The following SBNO1 variants were observed in gnomAD, a reference collection of about 807,000 sequenced individuals.
SBNO1 encodes strawberry notch homolog 1.
Under a neutral mutation model 173.6 loss-of-function variants are expected in SBNO1, and 23 were observed. The observed-to-expected ratio is 0.13, with a 90% CI of 0.10 to 0.19. The LOEUF is 0.19. Among genes scored for constraint, SBNO1 ranks in the 10% least tolerant of loss-of-function variants. The pLI, the probability that SBNO1 is intolerant of heterozygous loss-of-function variation, is 1.00. For missense variants in SBNO1, 1,238 were observed against 1,671.2 expected, an observed-to-expected ratio of 0.74 and a Z score of 4.52; for synonymous variants, 632 against 571.5, an observed-to-expected ratio of 1.11 and a Z score of -1.51.
intron 4 of SBNO1, among the ~76,000 whole-genome samples, chr12:123,341,526 T>A (rs1199911566): frequency 6.6e-6 from 1 of 152,146 alleles, no homozygotes; most frequent in Admixed American, 6.5e-5. Flanking sequence ...ACTAATTTAT[T>A]TTTATTTATT....
chr12:123,356,533 C>G (rs1034063403), intron 1 of SBNO1, among the ~76,000 whole-genome samples: 1 of 152,226 alleles, frequency 6.6e-6, no homozygotes, highest in Non-Finnish European at 1.5e-5. Flanking sequence ...ATCCGCCCCC[C>G]TGGGTTCAAG....
rs1869396435 is a variant in SBNO1, at chr12:123,317,280, C to T, written c.2876G>A (p.Arg959Gln). 4 of 1,613,968 alleles carry T rather than the reference C, an allele frequency of 2.5e-6. No homozygotes were observed. Among genetic ancestry groups the T allele is most frequent in the Non-Finnish European group, 2.5e-6 (3 of 1,179,948 alleles). The change falls in exon 21 of 32, where the codon CGA (arginine) becomes CAA (glutamine). Residue 959 changes from arginine (R) to glutamine (Q), a missense_variant. Around this residue, in one of 14 missense-constraint regions of SBNO1, gnomAD observed 39 missense variants for 129.7 expected, o/e 0.30. Coordinates refer to ENST00000602398, the MANE Select transcript of SBNO1 (RefSeq NM_001167856.3). ...QADRRAKNQR[R>Q]RVHMTLELPW... ...TAATTCTAAAGTCATATGAACTCTT[C>T]GCCTTTGATTTTTAGCTCTCCTATC...
At chr12:123,334,251 CTAAG>C (rs1871563420) in intron 6 of SBNO1, 38 bp from the exon 7 acceptor site, 4 of 1,193,844 alleles carry the variant, frequency 3.4e-6, no homozygotes, top group Non-Finnish European at 4.7e-6. Flanking sequence ...TTTAATTATT[CTAAG>C]TAATAACATT....
intron 4 of SBNO1, among the ~76,000 whole-genome samples, chr12:123,341,818 G>A (rs995823924): frequency 1.3e-5 from 2 of 151,486 alleles, no homozygotes; most frequent in African/African-American, 4.8e-5. Context: ...GTGAGCCACC[G>A]CACCTGGCCT....
chr12:123,325,470 A>AAACAAAAACATTAAAAG (rs1277350707), intron 15 of SBNO1, 32 bp downstream of exon 15: 1 of 1,501,098 alleles, frequency 6.7e-7, no homozygotes, highest in Non-Finnish European at 9.3e-7. Flanking sequence ...ACTCAAAAAG[A>AAACAAAAACATTAAAAG]AACAAAAACA....
At chr12:123,297,905 G>C (rs2048661806) in intron 31 of SBNO1, 73 bp downstream of exon 31, 6 of 1,352,426 alleles carry the variant, frequency 4.4e-6, no homozygotes, top group Non-Finnish European at 6.3e-6. Context: ...ATAAAGCTAA[G>C]ATATTAGCAA....
At chr12:123,302,553 C>T (rs2048824101) in intron 30 of SBNO1, among the ~76,000 whole-genome samples, 1 of 152,046 alleles carries the variant, frequency 6.6e-6, no homozygotes, top group Admixed American at 6.6e-5. Flanking sequence ...CGTGAAAAAG[C>T]AAGTTCTAAT....
chr12:123,342,934 C>T (rs1872726621), intron 4 of SBNO1, among the ~76,000 whole-genome samples: 1 of 152,132 alleles, frequency 6.6e-6, no homozygotes, highest in Non-Finnish European at 1.5e-5. Context: ...ACTTAGACTC[C>T]AAAACGAGTA....
At chr12:123,315,219 C>T (rs1869135031) in intron 23 of SBNO1, among the ~76,000 whole-genome samples, 154 bp downstream of exon 23, 1 of 152,180 alleles carries the variant, frequency 6.6e-6, no homozygotes, top group Non-Finnish European at 1.5e-5. Flanking sequence ...ATCTAACATA[C>T]ATGTGAAATT....
chr12:123,333,001 G>A (rs1483389403), intron 7 of SBNO1, among the ~76,000 whole-genome samples: 3 of 152,080 alleles, frequency 2.0e-5, no homozygotes, highest in Admixed American at 2.0e-4. Flanking sequence ...GTGGGTGCCT[G>A]TAGTCCCAGC....
intron 13 of SBNO1, 84 bp downstream of exon 13, chr12:123,327,342 C>T (rs947753252): frequency 1.8e-6 from 2 of 1,089,918 alleles, no homozygotes; most frequent in African/African-American, 1.6e-5. Flanking sequence ...TTCCCATGGG[C>T]AGGAGGCATC....
At chr12:123,314,544 G>A (rs1200805711) in intron 23 of SBNO1, among the ~76,000 whole-genome samples, 1 of 151,848 alleles carries the variant, frequency 6.6e-6, no homozygotes, top group African/African-American at 2.4e-5. Flanking sequence ...TGGCCAGGAT[G>A]GTCTCGATCT....
chr12:123,364,838 T>A lies in SBNO1; in HGVS notation c.-138A>T. On this transcript the variant is annotated 5_prime_UTR_variant, in exon 1 of 32. Transcript: ENST00000602398. Reference sequence around the variant, plus strand: ...TCTGCCTACCTCCCCGCCGCCATCTTGACGCCCCTCCCCCAGCCCCCCCGC... The same window carrying A: ...TCTGCCTACCTCCCCGCCGCCATCTAGACGCCCCTCCCCCAGCCCCCCCGC... 1 of 941,486 alleles carries A rather than the reference T, an allele frequency of 1.1e-6. No individual in the cohort carries two copies. The highest frequency in any genetic ancestry group is 1.3e-6 in the Non-Finnish European group (1 of 790,436). 58.3% of individuals were successfully genotyped at this position (941,486 alleles called of 1,614,324 possible). A position where few individuals can be genotyped will look rare whatever the true frequency, so the allele number is the denominator to read the frequency against.
chr12:123,352,860 CG>C (rs1452434229), intron 1 of SBNO1, among the ~76,000 whole-genome samples: 1 of 152,132 alleles, frequency 6.6e-6, no homozygotes, highest in Non-Finnish European at 1.5e-5. Context: ...TGCAGTGGCG[CG>C]ATCTCGGCTC....
At chr12:123,298,730 C>T (rs955802542) in intron 30 of SBNO1, among the ~76,000 whole-genome samples, 1 of 152,130 alleles carries the variant, frequency 6.6e-6, no homozygotes, top group African/African-American at 2.4e-5. Context: ...ATTGTGTTTG[C>T]TATCTGTTGA....
intron 20 of SBNO1, 37 bp downstream of exon 20, chr12:123,319,863 T>G (rs1268059411): frequency 6.3e-7 from 1 of 1,596,168 alleles, no homozygotes. Flanking sequence ...ATACAGGCAT[T>G]GTTCTTTTCA....
intron 16 of SBNO1, among the ~76,000 whole-genome samples, chr12:123,322,763 G>T (rs1366934326): frequency 6.6e-6 from 1 of 151,684 alleles, no homozygotes; most frequent in African/African-American, 2.4e-5. Flanking sequence ...AAAATTAGCA[G>T]GGCGTGGTGG....
rs2048493352 is a variant in SBNO1, at chr12:123,290,374, G to T, written c.*5534C>A. The T allele has an allele frequency of 6.6e-6, 1 of 152,220 alleles. No individual in the cohort carries two copies. The highest frequency in any genetic ancestry group is 1.5e-5 in the Non-Finnish European group (1 of 68,044). 9.4% of individuals were successfully genotyped at this position (152,220 alleles called of 1,614,324 possible). A position where few individuals can be genotyped will look rare whatever the true frequency, so the allele number is the denominator to read the frequency against. Reference sequence around the variant, plus strand: ...TGTACATGAATGAAAAGGCCCCAAAGACGCTCACGGCAATCCTTGAAAGTT... The same window carrying T: ...TGTACATGAATGAAAAGGCCCCAAATACGCTCACGGCAATCCTTGAAAGTT... On this transcript the variant is annotated 3_prime_UTR_variant, in exon 32 of 32. Transcript: ENST00000602398.
At chr12:123,304,999 C>T (rs1362978498) in intron 28 of SBNO1, among the ~76,000 whole-genome samples, 1 of 152,174 alleles carries the variant, frequency 6.6e-6, no homozygotes, top group African/African-American at 2.4e-5. Flanking sequence ...ATGTCCAACA[C>T]AGATCATTTT....
Sources: allele counts gnomAD v4.1 joint callset (sites outside exome capture counted in the v4.1 genomes callset), GRCh38; gene constraint gnomAD v4.1.1; regional missense constraint gnomAD v4.1.1; transcripts MANE v1.5; gene names NCBI Gene and HGNC (gene_info 2026-07-23, HGNC 2026-07-21).